TAX1BP1: variants seen among roughly 807,000 people sequenced by gnomAD.
TAX1BP1 encodes tax1-binding protein 1.
A neutral mutation model predicts 97.7 loss-of-function variants in TAX1BP1; 62 were observed. The observed-to-expected ratio is 0.63, with a 90% CI of 0.52 to 0.78. TAX1BP1 has a LOEUF of 0.78. Among genes scored for constraint, TAX1BP1 ranks in the 30% least tolerant of loss-of-function variants. TAX1BP1 has a pLI of 0.00. For synonymous variants in TAX1BP1, 340 were observed against 304.2 expected, an observed-to-expected ratio of 1.12 and a Z score of -1.23; for missense variants, 867 against 916.1, an observed-to-expected ratio of 0.95 and a Z score of 0.69.
At chr7:27,793,760 A>G (rs542744600) in intron 10 of TAX1BP1, among the ~76,000 whole-genome samples, 4 of 152,336 alleles carry the variant, frequency 2.6e-5, no homozygotes, top group Non-Finnish European at 4.4e-5. Context: ...GTATGTTTCA[A>G]TGTGGGTCCT....
intron 1 of TAX1BP1, among the ~76,000 whole-genome samples, chr7:27,747,849 GA>G (rs1222555289): frequency 2.0e-5 from 3 of 151,598 alleles, no homozygotes; most frequent in African/African-American, 7.3e-5. Context: ...CCCAATCCCA[GA>G]AAGTTGTTGT....
rs34270007 is a variant in TAX1BP1, at chr7:27,828,864, T to TAAAA, written c.*49_*52dup. The TAAAA allele has an allele frequency of 4.6e-4, 455 of 987,886 alleles. No individual in the cohort carries two copies. The highest frequency in any genetic ancestry group is 8.0e-4 in the South Asian group (46 of 57,226). The allele number at this position is 987,886 out of a possible 1,614,324, so 61.2% of individuals were successfully genotyped here. On this transcript the variant is annotated 3_prime_UTR_variant, in exon 17 of 17. Transcript: ENST00000396319. ...ATTATGAGTTAATATAGTTTAGCAG[T>TAAAA]AAAAAAAAAAAAAAAAACCACACCT...
chr7:27,796,909 T>A, intron 12 of TAX1BP1, among the ~76,000 whole-genome samples: 1 of 151,964 alleles, frequency 6.6e-6, no homozygotes, highest in Non-Finnish European at 1.5e-5. Context: ...GATTTTTACA[T>A]CTTAAAGTGA....
At chr7:27,799,776 A>G (rs560049413) in intron 12 of TAX1BP1, among the ~76,000 whole-genome samples, 189 bp from the exon 13 acceptor site, 2 of 152,136 alleles carry the variant, frequency 1.3e-5, no homozygotes, top group Non-Finnish European at 2.9e-5. Flanking sequence ...AAAAATATAT[A>G]TACTATTTCA....
intron 3 of TAX1BP1, among the ~76,000 whole-genome samples, chr7:27,765,313 CT>C: frequency 1.3e-5 from 2 of 152,120 alleles, no homozygotes; most frequent in Admixed American, 1.3e-4. Context: ...AGCCACCGCA[CT>C]GGGTCCTAAA....
intron 3 of TAX1BP1, among the ~76,000 whole-genome samples, chr7:27,760,101 G>A (rs183420530): frequency 2.6e-5 from 4 of 151,934 alleles, no homozygotes; most frequent in African/African-American, 7.2e-5. Flanking sequence ...TGATCCACCC[G>A]CCTCGGCCTC....
chr7:27,763,537 C>T (rs1788508481), intron 3 of TAX1BP1, among the ~76,000 whole-genome samples: 1 of 152,060 alleles, frequency 6.6e-6, no homozygotes. Context: ...GAGGCCGGGG[C>T]GGGTGGATTA....
chr7:27,827,634 GAA>G, intron 15 of TAX1BP1, 102 bp from the exon 16 acceptor site: 1 of 868,380 alleles, frequency 1.2e-6, no homozygotes. Flanking sequence ...AAAATTTCCT[GAA>G]GTGTAATCTT....
intron 5 of TAX1BP1, among the ~76,000 whole-genome samples, chr7:27,772,694 T>A (rs1240990650): frequency 1.3e-5 from 2 of 152,056 alleles, no homozygotes; most frequent in African/African-American, 4.8e-5. Context: ...ACTTGGTAAA[T>A]TAAAAGAATT....
chr7:27,807,850 ATT>A (rs1351620533), intron 13 of TAX1BP1, among the ~76,000 whole-genome samples: 1 of 151,948 alleles, frequency 6.6e-6, no homozygotes, highest in African/African-American at 2.4e-5. Flanking sequence ...ATTCATTGAT[ATT>A]TATCATTGTA....
chr7:27,804,036 G>C (rs1790243461), intron 13 of TAX1BP1, among the ~76,000 whole-genome samples: 1 of 152,148 alleles, frequency 6.6e-6, no homozygotes, highest in Non-Finnish European at 1.5e-5. Flanking sequence ...GATAATATTT[G>C]AGCTTTTAAG....
chr7:27,769,692 C>A lies in TAX1BP1; in HGVS notation c.470C>A (p.Thr157Asn). ...AGLLELKIEK[T>N]MKEKEELLKL... ...GCTTTATAGTTGAAAATTGAGAAAA[C>A]CATGAAAGAAAAAGAAGAACTGTTA... is the stretch of plus-strand genomic sequence containing the variant. The change falls in exon 5 of 17, where the codon ACC (threonine) becomes AAC (asparagine). Residue 157 changes from threonine (T) to asparagine (N), a missense_variant. Thr to Asn is a moderately conservative substitution (Grantham distance 65, BLOSUM62 0). Around this residue, in one of 3 missense-constraint regions of TAX1BP1, gnomAD observed 822 missense variants for 851.4 expected, o/e 0.97. Transcript: ENST00000396319. The A allele has an allele frequency of 6.2e-7, 1 of 1,604,810 alleles. No individual in the cohort carries two copies. Among genetic ancestry groups the A allele is most frequent in the Admixed American group, 1.7e-5 (1 of 58,848 alleles).
chr7:27,763,155 A>G (rs1788493443), intron 3 of TAX1BP1, among the ~76,000 whole-genome samples: 2 of 152,228 alleles, frequency 1.3e-5, no homozygotes, highest in Non-Finnish European at 2.9e-5. Flanking sequence ...AATGCAAATC[A>G]CTTTGCTCAT....
chr7:27,816,669 T>C, intron 14 of TAX1BP1, 149 bp downstream of exon 14: 2 of 868,990 alleles, frequency 2.3e-6, no homozygotes, highest in Non-Finnish European at 3.4e-6. Context: ...TATTTAACAC[T>C]GTAACTGGCT....
intron 12 of TAX1BP1, among the ~76,000 whole-genome samples, chr7:27,798,728 C>A (rs1017572447): frequency 1.3e-5 from 2 of 151,144 alleles, no homozygotes; most frequent in Non-Finnish European, 2.9e-5. Flanking sequence ...TCTTACATAG[C>A]CAGCCTAATG....
chr7:27,819,142 T>C (rs1453396938), intron 15 of TAX1BP1, among the ~76,000 whole-genome samples: 1 of 152,156 alleles, frequency 6.6e-6, no homozygotes, highest in African/African-American at 2.4e-5. Flanking sequence ...ATGATGTTAT[T>C]TCTTTCAACC....
intron 5 of TAX1BP1, among the ~76,000 whole-genome samples, chr7:27,776,849 G>T (rs1789052301): frequency 2.1e-5 from 3 of 141,748 alleles, no homozygotes; most frequent in African/African-American, 2.6e-5. Context: ...TTTTCTCTCT[G>T]TTTCATTTTA....
Position 27,787,495 on chromosome 7 carries a change from C to G in TAX1BP1, c.930C>G (p.Asn310Lys), listed in dbSNP as rs2128316715. 1.2e-6 allele frequency: 2 copies of G among 1,613,504 alleles called. No individual in the cohort carries two copies. The highest frequency in any genetic ancestry group is 2.2e-5 in the East Asian group (1 of 44,822). ...EVQTLKNLDGNKESVITHFKE... is the reference protein window; with the variant it reads ...EVQTLKNLDGKKESVITHFKE... ...AGACTTTAAAAAATTTAGATGGGAACAAAGAAAGCGTGATTACTCATTTCA... is the reference window on the plus strand; with the variant it reads ...AGACTTTAAAAAATTTAGATGGGAAGAAAGAAAGCGTGATTACTCATTTCA... The change falls in exon 8 of 17, where the codon AAC becomes AAG. Residue 310 changes from asparagine to lysine, a missense_variant. Physicochemically the swap from Asn to Lys is moderately conservative, Grantham distance 94. Transcript: ENST00000396319.
intron 13 of TAX1BP1, among the ~76,000 whole-genome samples, chr7:27,802,479 C>T (rs1230717217): frequency 6.6e-6 from 1 of 152,144 alleles, no homozygotes; most frequent in Non-Finnish European, 1.5e-5. Flanking sequence ...TCCATTAATG[C>T]TTAAACTGTA....
Sources: allele counts gnomAD v4.1 joint callset (sites outside exome capture counted in the v4.1 genomes callset), GRCh38; gene constraint gnomAD v4.1.1; regional missense constraint gnomAD v4.1.1; transcripts MANE v1.5; gene names NCBI Gene and HGNC (gene_info 2026-07-23, HGNC 2026-07-21).